ADAMTSL3: variants seen among roughly 807,000 people sequenced by gnomAD.
ADAMTSL3 encodes the protein ADAMTS like 3.
A neutral mutation model predicts 201.7 loss-of-function variants in ADAMTSL3; 128 were observed. The observed-to-expected ratio is 0.63, with a 90% CI of 0.55 to 0.73. The LOEUF (loss-of-function observed/expected upper bound fraction) is 0.73. Among genes scored for constraint, ADAMTSL3 ranks in the 30% least tolerant of loss-of-function variants. The probability of loss-of-function intolerance (pLI) is 0.00; values close to 1 mark genes in which losing one functional copy is unlikely to be tolerated. For synonymous variants in ADAMTSL3, 738 were observed against 748.4 expected (o/e 0.99, Z 0.23); for missense variants, 1,990 against 2,119.6 (o/e 0.94, Z 1.20).
At chr15:84,030,731 G>A (rs887784156) in intron 27 of ADAMTSL3, among the ~76,000 whole-genome samples, 6 of 152,262 alleles carry the variant, frequency 3.9e-5, no homozygotes, top group Admixed American at 6.5e-5. Flanking sequence ...GGGGCCACGG[G>A]CAGAATGATA....
intron 20 of ADAMTSL3, among the ~76,000 whole-genome samples, chr15:83,971,558 CAAAA>C (rs68134290): frequency 4.7e-5 from 3 of 63,922 alleles, no homozygotes; most frequent in Admixed American, 3.9e-4. Flanking sequence ...GACTCTGTCT[CAAAA>C]AAAAAAAAAA....
intron 16 of ADAMTSL3, among the ~76,000 whole-genome samples, chr15:83,914,068 A>G (rs1303235417): frequency 2.6e-5 from 4 of 152,228 alleles, no homozygotes; most frequent in Non-Finnish European, 5.9e-5. Flanking sequence ...TATATCTTTT[A>G]CTTACATGAA....
chr15:83,767,632 G>A (rs998159012), intron 3 of ADAMTSL3, among the ~76,000 whole-genome samples: 2 of 152,058 alleles, frequency 1.3e-5, no homozygotes, highest in African/African-American at 4.8e-5. Flanking sequence ...GCTACATACC[G>A]CTTCTCTCAG....
intron 27 of ADAMTSL3, among the ~76,000 whole-genome samples, chr15:84,025,871 T>G (rs2068296147): frequency 6.6e-6 from 1 of 152,190 alleles, no homozygotes; most frequent in Non-Finnish European, 1.5e-5. Context: ...AACACATTAT[T>G]GAAACACATA....
intron 19 of ADAMTSL3, chr15:83,962,191 C>G (rs573096532): frequency 6.6e-6 from 1 of 152,286 alleles, no homozygotes; most frequent in South Asian, 2.1e-4. Flanking sequence ...TTTGCCCTTC[C>G]TTTGTCTTCT....
chr15:83,712,482 T>G (rs1157957938), intron 3 of ADAMTSL3, among the ~76,000 whole-genome samples: 1 of 152,224 alleles, frequency 6.6e-6, no homozygotes, highest in Non-Finnish European at 1.5e-5. Flanking sequence ...ACTTCCTGGC[T>G]AGTCCTCTTC....
At chr15:83,696,391 TA>T (rs2061689133) in intron 2 of ADAMTSL3, among the ~76,000 whole-genome samples, 1 of 152,184 alleles carries the variant, frequency 6.6e-6, no homozygotes, top group African/African-American at 2.4e-5. Context: ...TGGTTGCTGT[TA>T]ATAGAGATAG....
intron 6 of ADAMTSL3, among the ~76,000 whole-genome samples, chr15:83,836,860 G>T (rs1472052485): frequency 6.6e-6 from 1 of 152,128 alleles, no homozygotes; most frequent in African/African-American, 2.4e-5. Context: ...TTGTACGTGG[G>T]TGTTTTCTTC....
At chr15:83,930,374 G>A (rs922095129) in intron 17 of ADAMTSL3, among the ~76,000 whole-genome samples, 2 of 152,188 alleles carry the variant, frequency 1.3e-5, no homozygotes, top group Admixed American at 1.3e-4. Context: ...GCCTTGGTTT[G>A]ACCTGCCCAG....
intron 26 of ADAMTSL3, among the ~76,000 whole-genome samples, chr15:84,024,022 G>A (rs1167641109): frequency 3.3e-5 from 5 of 152,194 alleles, no homozygotes; most frequent in Non-Finnish European, 4.4e-5. Context: ...TTGGGAGGCC[G>A]AGGCGGGCGG....
chr15:84,027,140 C>A (rs2068325031), intron 27 of ADAMTSL3, among the ~76,000 whole-genome samples: 1 of 152,124 alleles, frequency 6.6e-6, no homozygotes, highest in Non-Finnish European at 1.5e-5. Context: ...GGATGCTTTC[C>A]ATTAGTCATT....
intron 20 of ADAMTSL3, among the ~76,000 whole-genome samples, chr15:83,971,003 G>A (rs1196121097): frequency 1.3e-5 from 2 of 152,144 alleles, no homozygotes; most frequent in Non-Finnish European, 2.9e-5. Flanking sequence ...TTAATTAAAA[G>A]TAGAAGAGCT....
At chr15:83,729,068 T>C (rs1008776846) in intron 3 of ADAMTSL3, among the ~76,000 whole-genome samples, 1 of 152,114 alleles carries the variant, frequency 6.6e-6, no homozygotes, top group East Asian at 1.9e-4. Flanking sequence ...GCAGTTTACA[T>C]ATGTGATGTT....
chr15:83,952,746 TAGTGAGCC>T (rs775496129), intron 19 of ADAMTSL3, among the ~76,000 whole-genome samples: 2 of 148,974 alleles, frequency 1.3e-5, no homozygotes, highest in Non-Finnish European at 3.0e-5. Context: ...GTGGTGGTTG[TAGTGAGCC>T]AAGATCGTGC....
rs142152697 is a variant in ADAMTSL3 at position 83,767,119 on chromosome 15, G to A, written c.190-6404G>A. Among the ~76,000 whole-genome samples the A allele has an allele frequency of 6.8e-4, 104 of 152,136 alleles. 1 individual carries two copies. In the Middle Eastern group the frequency reaches 0.037, roughly 55 times the overall value. On this transcript the variant is annotated intron_variant, in intron 3 of 29. Coordinates refer to ENST00000286744, the MANE Select transcript of ADAMTSL3 (RefSeq NM_207517.3). Reference sequence around the variant, plus strand: ...AAAAAGAAAAATAAAAGAAATTATCGATGAGCCTTGGACACACATGGTTCT... The same window carrying A: ...AAAAAGAAAAATAAAAGAAATTATCAATGAGCCTTGGACACACATGGTTCT...
chr15:83,737,301 T>G (rs2062382733), intron 3 of ADAMTSL3, among the ~76,000 whole-genome samples: 1 of 152,092 alleles, frequency 6.6e-6, no homozygotes, highest in Non-Finnish European at 1.5e-5. Context: ...CTATAATTGA[T>G]ATGGTTAGGT....
At chr15:83,738,474 G>A (rs1439701851) in intron 3 of ADAMTSL3, among the ~76,000 whole-genome samples, 2 of 152,062 alleles carry the variant, frequency 1.3e-5, no homozygotes, top group South Asian at 2.1e-4. Flanking sequence ...ATTTGTCAAG[G>A]CTCTGTTTCT....
chr15:83,656,377 A>C (rs1183659460), intron 2 of ADAMTSL3, among the ~76,000 whole-genome samples: 3 of 152,228 alleles, frequency 2.0e-5, no homozygotes, highest in African/African-American at 7.2e-5. Flanking sequence ...TGAGGCTAGC[A>C]TTGCCTAAGA....
intron 20 of ADAMTSL3, among the ~76,000 whole-genome samples, chr15:83,981,697 C>T (rs953927474): frequency 4.6e-5 from 7 of 152,316 alleles, no homozygotes; most frequent in African/African-American, 7.2e-5. Context: ...CCAATTTAAT[C>T]GACATATTTG....
Sources: allele counts gnomAD v4.1 joint callset (sites outside exome capture counted in the v4.1 genomes callset), GRCh38; gene constraint gnomAD v4.1.1; transcripts MANE v1.5; gene names NCBI Gene and HGNC (gene_info 2026-07-23, HGNC 2026-07-21).